The following ROBO1 variants were observed in gnomAD, a reference collection of about 807,000 sequenced individuals.
The protein encoded by ROBO1 is roundabout homolog 1.
A neutral mutation model predicts 195.9 loss-of-function variants in ROBO1; 149 were observed. The observed-to-expected ratio is 0.76, with a 90% CI of 0.67 to 0.87. ROBO1 has a LOEUF of 0.87. ROBO1 is among the 40% of genes least tolerant of loss of function. ROBO1 has a pLI of 0.00. For synonymous variants in ROBO1, 816 were observed against 733.2 expected (o/e 1.11, Z -1.82); for missense variants, 1,933 against 2,068.3 (o/e 0.93, Z 1.27).
chr3:79,601,927 T>C (rs1369422743), intron 1 of ROBO1, among the ~76,000 whole-genome samples: 1 of 151,882 alleles, frequency 6.6e-6, no homozygotes, highest in Admixed American at 6.6e-5. Flanking sequence ...TTAAGTCCAT[T>C]ATATGGGGTT....
At chr3:79,447,781 T>C (rs920100061) in intron 2 of ROBO1, among the ~76,000 whole-genome samples, 1 of 152,066 alleles carries the variant, frequency 6.6e-6, no homozygotes. Context: ...CAGTATGTAA[T>C]ATTAATTATA....
At chr3:78,638,199 ATG>A (rs1321375605) in intron 22 of ROBO1, among the ~76,000 whole-genome samples, 2 of 142,772 alleles carry the variant, frequency 1.4e-5, no homozygotes, top group Non-Finnish European at 3.1e-5. Context: ...ATATGTGTGT[ATG>A]TGTGTATATA....
intron 4 of ROBO1, among the ~76,000 whole-genome samples, chr3:78,845,938 C>G (rs1398987677): frequency 5.3e-5 from 8 of 152,060 alleles, no homozygotes; most frequent in Non-Finnish European, 8.8e-5. Context: ...GGTAGTGTTC[C>G]CTACTTCGCT....
chr3:79,591,511 T>C (rs949278332), intron 1 of ROBO1, among the ~76,000 whole-genome samples: 5 of 151,944 alleles, frequency 3.3e-5, no homozygotes, highest in African/African-American at 1.2e-4. Flanking sequence ...TATACTTGGT[T>C]ACTGTAGTTT....
chr3:79,085,637 T>A (rs911446050), intron 3 of ROBO1, among the ~76,000 whole-genome samples: 2 of 152,166 alleles, frequency 1.3e-5, no homozygotes, highest in South Asian at 2.1e-4. Flanking sequence ...AATTTTTGTG[T>A]CAATAGCACT....
intron 3 of ROBO1, among the ~76,000 whole-genome samples, chr3:79,012,945 T>C (rs1396352345): frequency 6.6e-6 from 1 of 152,060 alleles, no homozygotes; most frequent in Non-Finnish European, 1.5e-5. Flanking sequence ...TCAAGAATTG[T>C]AAAGAATGGA....
intron 2 of ROBO1, among the ~76,000 whole-genome samples, chr3:79,182,581 A>G (rs1301503169): frequency 1.5e-5 from 2 of 137,770 alleles, no homozygotes; most frequent in African/African-American, 5.7e-5. Flanking sequence ...GCGTGCGTGC[A>G]TGCACGCACT....
chr3:79,765,662 A>G (rs1243599595), intron 1 of ROBO1, among the ~76,000 whole-genome samples: 1 of 152,104 alleles, frequency 6.6e-6, no homozygotes, highest in Non-Finnish European at 1.5e-5. Context: ...TTTTGTAATT[A>G]TTATATCCTA....
chr3:78,813,568 C>G (rs980828005), intron 4 of ROBO1, among the ~76,000 whole-genome samples: 13 of 152,064 alleles, frequency 8.5e-5, no homozygotes, highest in Non-Finnish European at 1.3e-4. Context: ...CAGAATCGTT[C>G]TGTTTAACCA....
At chr3:78,787,752 C>G (rs1014360735) in intron 4 of ROBO1, among the ~76,000 whole-genome samples, 1 of 151,876 alleles carries the variant, frequency 6.6e-6, no homozygotes, top group Non-Finnish European at 1.5e-5. Flanking sequence ...GATTTCGAGA[C>G]GAGCACAGGC....
intron 4 of ROBO1, among the ~76,000 whole-genome samples, chr3:78,921,973 G>C (rs1479275785): frequency 6.6e-6 from 1 of 151,978 alleles, no homozygotes; most frequent in African/African-American, 2.4e-5. Flanking sequence ...TTTTAGTAGA[G>C]ATGGGTTTTT....
At chr3:78,904,225 T>C (rs1039315109) in intron 4 of ROBO1, among the ~76,000 whole-genome samples, 1 of 152,090 alleles carries the variant, frequency 6.6e-6, no homozygotes, top group Non-Finnish European at 1.5e-5. Context: ...TGTGTGTCTG[T>C]CTGTATCATA....
intron 3 of ROBO1, among the ~76,000 whole-genome samples, chr3:79,087,536 CTTCT>C (rs1474318267): frequency 6.6e-6 from 1 of 150,774 alleles, no homozygotes; most frequent in Non-Finnish European, 1.5e-5. Flanking sequence ...TCCTTCCTTC[CTTCT>C]TTCCTTCCTT....
chr3:78,998,167 T>TA (rs2077412726), intron 3 of ROBO1, among the ~76,000 whole-genome samples: 1 of 152,102 alleles, frequency 6.6e-6, no homozygotes, highest in African/African-American at 2.4e-5. Flanking sequence ...TATCAAAGAG[T>TA]AAACTTGTTC....
At chr3:78,619,457 T>C (rs769495326) in intron 26 of ROBO1, among the ~76,000 whole-genome samples, 6 of 151,670 alleles carry the variant, frequency 4.0e-5, no homozygotes, top group Non-Finnish European at 8.8e-5. Context: ...TGTCGGCACC[T>C]CTCCTTTAGC....
chr3:79,523,252 C>T (rs1455969567), intron 2 of ROBO1, among the ~76,000 whole-genome samples: 1 of 151,568 alleles, frequency 6.6e-6, no homozygotes, highest in Non-Finnish European at 1.5e-5. Context: ...AAAGAAACTA[C>T]AACAGCATGC....
chr3:79,157,006 G>A (rs2080870703), intron 2 of ROBO1, among the ~76,000 whole-genome samples: 1 of 151,834 alleles, frequency 6.6e-6, no homozygotes, highest in Non-Finnish European at 1.5e-5. Flanking sequence ...GGGTGGGGAA[G>A]TGCAGCAAAC....
chr3:79,206,097 C>T (rs969675749), intron 2 of ROBO1, among the ~76,000 whole-genome samples: 6 of 152,134 alleles, frequency 3.9e-5, no homozygotes, highest in Non-Finnish European at 5.9e-5. Context: ...TGCCATTCTG[C>T]GTAGCATGAT....
intron 1 of ROBO1, among the ~76,000 whole-genome samples, chr3:79,655,200 A>C (rs1946124508): frequency 1.3e-5 from 2 of 152,098 alleles, no homozygotes. Flanking sequence ...TGAATACTCA[A>C]GATCAAAAAT....
Sources: gnomAD v4.1 joint callset for allele counts (sites outside exome capture counted in the v4.1 genomes callset) on GRCh38, gnomAD v4.1.1 for gene constraint, MANE v1.5 for transcripts, NCBI Gene and HGNC (gene_info 2026-07-23, HGNC 2026-07-21) for gene names.